EYS: variants seen among roughly 807,000 people sequenced by gnomAD.
EYS encodes the protein EGF-like photoreceptor maintenance factor.
A neutral mutation model predicts 282.1 loss-of-function variants in EYS; 250 were observed. The observed-to-expected ratio is 0.89, with a 90% CI of 0.80 to 0.98. The LOEUF is 0.98. EYS is among the 50% of genes least tolerant of loss of function. The pLI, the probability that EYS is intolerant of heterozygous loss-of-function variation, is 0.00. For missense variants in EYS, 4,016 were observed against 3,709.0 expected, an observed-to-expected ratio of 1.08 and a Z score of -2.15; for synonymous variants, 1,355 against 1,282.9, an observed-to-expected ratio of 1.06 and a Z score of -1.20.
At chr6:63,962,888 A>G (rs1766136567) in intron 35 of EYS, among the ~76,000 whole-genome samples, 1 of 152,218 alleles carries the variant, frequency 6.6e-6, no homozygotes, top group Non-Finnish European at 1.5e-5. Context: ...GACTGGATTA[A>G]GAAAATGTGG....
intron 11 of EYS, among the ~76,000 whole-genome samples, chr6:65,313,977 A>C (rs1582131728): frequency 2.0e-5 from 3 of 152,146 alleles, no homozygotes; most frequent in Middle Eastern, 6.8e-3. Context: ...TGTCTCCTAA[A>C]ATTTTATCCA....
chr6:65,127,297 G>T (rs2150200070), intron 12 of EYS, among the ~76,000 whole-genome samples: 1 of 152,162 alleles, frequency 6.6e-6, no homozygotes, highest in Non-Finnish European at 1.5e-5. Context: ...TGAATTTCTA[G>T]AAATAATGTA....
At chr6:64,615,206 C>T (rs1767236107) in intron 24 of EYS, among the ~76,000 whole-genome samples, 2 of 152,018 alleles carry the variant, frequency 1.3e-5, no homozygotes, top group South Asian at 4.1e-4. Context: ...ATTCTTATAA[C>T]TGCTTTATTC....
chr6:65,299,739 G>C (rs770466411), intron 11 of EYS, among the ~76,000 whole-genome samples: 4 of 151,694 alleles, frequency 2.6e-5, no homozygotes, highest in African/African-American at 7.3e-5. Flanking sequence ...AACTATTTTT[G>C]TGTTTTCATT....
At chr6:64,977,755 A>G (rs1770518631) in intron 14 of EYS, among the ~76,000 whole-genome samples, 1 of 151,884 alleles carries the variant, frequency 6.6e-6, no homozygotes, top group Admixed American at 6.6e-5. Flanking sequence ...AAACAGCCTT[A>G]TTGCTGATAG....
chr6:63,722,907 TAGTG>T (rs1768461042), intron 42 of EYS, among the ~76,000 whole-genome samples: 1 of 152,236 alleles, frequency 6.6e-6, no homozygotes, highest in Non-Finnish European at 1.5e-5. Context: ...AGGGAATTTT[TAGTG>T]AGTATACTAT....
intron 2 of EYS, among the ~76,000 whole-genome samples, chr6:65,621,238 T>C (rs1766479924): frequency 6.6e-6 from 1 of 152,200 alleles, no homozygotes; most frequent in Non-Finnish European, 1.5e-5. Flanking sequence ...TTGGTGCTCC[T>C]GTATTGGGTC....
At position 63,869,503 on chromosome 6, in the gene EYS, C is replaced by T. The variant is rs1413916204; in HGVS notation, c.7056-5145G>A. Among the ~76,000 whole-genome samples, 5 of 152,262 alleles carry T rather than the reference C, an allele frequency of 3.3e-5. No homozygotes were observed. The South Asian group carries it at 1.0e-3, about 32-fold the overall frequency. ...CCAGAAAGAGATATCTTTTCCATAT[C>T]TCTGGCCTTGTGACCCTCTAGTTCT... On this transcript the variant is annotated intron_variant, in intron 35 of 42. Coordinates refer to ENST00000503581, the MANE Select transcript of EYS (RefSeq NM_001142800.2).
chr6:64,694,722 A>G (rs1206659699), intron 22 of EYS, among the ~76,000 whole-genome samples: 4 of 152,208 alleles, frequency 2.6e-5, no homozygotes, highest in African/African-American at 9.7e-5. Flanking sequence ...TAAACGTAGC[A>G]TAAGCTCCAG....
At chr6:64,709,435 TTC>T (rs1313976144) in intron 22 of EYS, among the ~76,000 whole-genome samples, 1 of 152,166 alleles carries the variant, frequency 6.6e-6, no homozygotes, top group Non-Finnish European at 1.5e-5. Flanking sequence ...TAAATATTTT[TTC>T]TCTCTTTATA....
chr6:65,302,314 CA>C (rs1768866017), intron 11 of EYS, among the ~76,000 whole-genome samples: 1 of 152,170 alleles, frequency 6.6e-6, no homozygotes, highest in African/African-American at 2.4e-5. Flanking sequence ...GTTCGACCTA[CA>C]GGCGTAATAG....
intron 28 of EYS, among the ~76,000 whole-genome samples, chr6:64,414,360 G>A (rs1423669278): frequency 1.3e-5 from 2 of 152,130 alleles, no homozygotes; most frequent in East Asian, 3.9e-4. Context: ...AATTAAGTTT[G>A]AGGGTAGAAC....
chr6:64,199,943 G>A, intron 31 of EYS, among the ~76,000 whole-genome samples: 1 of 152,120 alleles, frequency 6.6e-6, no homozygotes, highest in East Asian at 1.9e-4. Flanking sequence ...CCCTTAGTAG[G>A]TGAATGGGTA....
At chr6:64,164,908 T>G (rs1189384528) in intron 31 of EYS, among the ~76,000 whole-genome samples, 5 of 152,178 alleles carry the variant, frequency 3.3e-5, no homozygotes, top group African/African-American at 1.2e-4. Flanking sequence ...TCTGAAATAC[T>G]GCATGTATTG....
At chr6:65,528,512 G>A (rs969431058) in intron 2 of EYS, among the ~76,000 whole-genome samples, 1 of 152,198 alleles carries the variant, frequency 6.6e-6, no homozygotes, top group South Asian at 2.1e-4. Context: ...ACCCTCCTGA[G>A]AGGAATGGGT....
chr6:64,011,509 G>GTGCTATAGGCACAAA (rs1768626535), intron 33 of EYS, among the ~76,000 whole-genome samples: 1 of 151,150 alleles, frequency 6.6e-6, no homozygotes, highest in African/African-American at 2.4e-5. Flanking sequence ...GGTTTGTTTT[G>GTGCTATAGGCACAAA]TGCTATAGGC....
chr6:64,307,105 G>GAGAT, intron 29 of EYS, 23 bp from the exon 30 acceptor site: 1 of 864,624 alleles, frequency 1.2e-6, no homozygotes, highest in East Asian at 2.8e-5. Context: ...GAGAGAGAGA[G>GAGAT]AAGTAGAGAT....
At chr6:64,948,481 A>G (rs1469134076) in intron 14 of EYS, among the ~76,000 whole-genome samples, 1 of 147,006 alleles carries the variant, frequency 6.8e-6, no homozygotes, top group African/African-American at 2.5e-5. Context: ...AATATTAATA[A>G]CTATTAAATA....
At chr6:65,633,377 T>G (rs1766985523) in intron 2 of EYS, among the ~76,000 whole-genome samples, 1 of 152,222 alleles carries the variant, frequency 6.6e-6, no homozygotes, top group South Asian at 2.1e-4. Context: ...ACAGAATGCA[T>G]TTTGTGCCAA....
Sources: gnomAD v4.1 joint callset for allele counts (sites outside exome capture counted in the v4.1 genomes callset) on GRCh38, gnomAD v4.1.1 for gene constraint, MANE v1.5 for transcripts, NCBI Gene and HGNC (gene_info 2026-07-23, HGNC 2026-07-21) for gene names.